Variants in PPP2R3A observed in about 807,000 individuals in gnomAD.
PPP2R3A encodes the protein protein phosphatase 2 regulatory subunit B''alpha.
PPP2R3A carries 80 observed loss-of-function variants against 106.9 expected under a neutral mutation model. That is an observed-to-expected ratio of 0.75 (90% confidence interval 0.62 to 0.90). The LOEUF (loss-of-function observed/expected upper bound fraction) is 0.90, where lower values mean the gene tolerates loss of function less well. Among genes scored for constraint, PPP2R3A ranks in the 40% least tolerant of loss-of-function variants. The pLI is 0.00. For synonymous variants in PPP2R3A, 483 were observed against 468.3 expected, an observed-to-expected ratio of 1.03 and a Z score of -0.41; for missense variants, 1,386 against 1,350.4, an observed-to-expected ratio of 1.03 and a Z score of -0.41.
intron 2 of PPP2R3A, chr3:136,023,136 A>G (rs1444948236): frequency 6.8e-6 from 11 of 1,613,484 alleles, no homozygotes; most frequent in South Asian, 2.2e-5. Flanking sequence ...TTTCCTGGCA[A>G]GGGGCTGTGA....
rs373221319 is a variant in PPP2R3A at position 136,093,020 on chromosome 3, T to G, written c.2927+2353T>G. Among the ~76,000 whole-genome samples the G allele has an allele frequency of 1.1e-4, 16 of 152,034 alleles. No individual in the cohort carries two copies. The East Asian group carries it at 2.9e-3, about 28-fold the overall frequency. On this transcript the variant is annotated intron_variant, in intron 10 of 13. Coordinates refer to ENST00000264977, the MANE Select transcript of PPP2R3A (RefSeq NM_002718.5). ...AAAAATTCAGAAGAAAATAGAGGAG[T>G]AAATTTTCACGACCTTGGCTAGGCA... is the stretch of plus-strand genomic sequence containing the variant.
chr3:135,984,576 C>T (rs139795245), intron 1 of PPP2R3A, among the ~76,000 whole-genome samples: 17 of 152,154 alleles, frequency 1.1e-4, no homozygotes, highest in Admixed American at 1.1e-3. Flanking sequence ...GCCGTTCTCG[C>T]GATAGTATGT....
chr3:136,042,268 C>T (rs1935313770), intron 4 of PPP2R3A, among the ~76,000 whole-genome samples: 1 of 152,068 alleles, frequency 6.6e-6, no homozygotes, highest in Non-Finnish European at 1.5e-5. Flanking sequence ...GGAGGGTATT[C>T]TCATAAGTGA....
At chr3:135,977,413 TAC>T (rs552984097) in intron 1 of PPP2R3A, among the ~76,000 whole-genome samples, 216 of 152,344 alleles carry the variant, frequency 1.4e-3, no homozygotes, top group African/African-American at 4.8e-3. Context: ...GATGCAAACA[TAC>T]AGTCGTTAGA....
chr3:136,079,403 A>C, intron 7 of PPP2R3A: 1 of 182,412 alleles, frequency 5.5e-6, no homozygotes, highest in Non-Finnish European at 1.2e-5. Flanking sequence ...TTTATAATCC[A>C]TAATTTTTTT....
Position 136,106,257 on chromosome 3 carries a change from G to A in PPP2R3A, c.3264G>A (p.Arg1088=). The A allele has an allele frequency of 6.2e-7, 1 of 1,611,776 alleles. No individual in the cohort carries two copies. Among genetic ancestry groups the A allele is most frequent in the South Asian group, 1.1e-5 (1 of 90,206 alleles). ...NDGPEPSDWD[R]FAAEEYETLV... ...GGCCTGAGCCCTCAGACTGGGACCG[G>A]TTTGCCGCTGAGGAGTATGAGACGC... is the stretch of plus-strand genomic sequence containing the variant. The change falls in exon 13 of 14, where the codon CGG becomes CGA. Residue 1088 remains arginine (R), a synonymous_variant. Transcript: ENST00000264977.
chr3:136,142,045 A>G (rs1289509620), intron 13 of PPP2R3A, among the ~76,000 whole-genome samples: 1 of 152,200 alleles, frequency 6.6e-6, no homozygotes, highest in African/African-American at 2.4e-5. Flanking sequence ...AGCTGGATAT[A>G]TGGAGTTCTC....
intron 4 of PPP2R3A, 73 bp downstream of exon 4, chr3:136,041,035 C>T: frequency 8.0e-7 from 1 of 1,255,780 alleles, no homozygotes; most frequent in South Asian, 1.4e-5. Flanking sequence ...TTCTAAAGGT[C>T]ACCTATTTTA....
chr3:136,135,295 G>A (rs1404232151), intron 13 of PPP2R3A, among the ~76,000 whole-genome samples: 1 of 152,108 alleles, frequency 6.6e-6, no homozygotes, highest in Admixed American at 6.6e-5. Flanking sequence ...GAGGTCCCAA[G>A]GGGCAAGGAG....
rs747490374 is a variant in PPP2R3A, at chr3:136,026,871, C to A, written c.2035C>A (p.Pro679Thr). ...KPEKKPGTPL[P>T]PPATSPSSPR... ...AGAAAAGAAACCTGGAACACCACTC[C>A]CACCTCCAGCCACCTCTCCAAGTAG... Residue 679 changes from proline (P) to threonine (T), a missense_variant, in exon 3 of 14, where the codon CCA becomes ACA. By Grantham distance (38) the Pro-to-Thr change is conservative. Coordinates refer to ENST00000264977, the MANE Select transcript of PPP2R3A (RefSeq NM_002718.5). 2.5e-6 allele frequency: 4 copies of A among 1,612,494 alleles called. 1 individual carries two copies. The South Asian group carries it at 3.3e-5, about 13-fold the overall frequency.
chr3:136,030,679 C>T (rs139938331), intron 3 of PPP2R3A, among the ~76,000 whole-genome samples: 22 of 151,760 alleles, frequency 1.4e-4, no homozygotes, highest in African/African-American at 4.4e-4. Flanking sequence ...AGTTACTTCA[C>T]ATGGAATAGT....
At chr3:136,005,324 C>T (rs1003887645) in intron 2 of PPP2R3A, among the ~76,000 whole-genome samples, 2 of 152,150 alleles carry the variant, frequency 1.3e-5, no homozygotes, top group Non-Finnish European at 2.9e-5. Flanking sequence ...AAATCTAAAA[C>T]ACTTCTAGTC....
At chr3:136,135,895 G>A (rs771401290) in intron 13 of PPP2R3A, among the ~76,000 whole-genome samples, 7 of 151,442 alleles carry the variant, frequency 4.6e-5, no homozygotes, top group African/African-American at 7.3e-5. Flanking sequence ...AAAGTTAGCT[G>A]GGCGTGGTGA....
chr3:135,966,544 C>T (rs867115148), intron 1 of PPP2R3A, among the ~76,000 whole-genome samples: 4 of 152,292 alleles, frequency 2.6e-5, no homozygotes, highest in Non-Finnish European at 4.4e-5. Flanking sequence ...GGGGACCTCT[C>T]GATGGAAACC....
chr3:136,023,723 C>T (rs1398500656), intron 2 of PPP2R3A, among the ~76,000 whole-genome samples: 1 of 151,866 alleles, frequency 6.6e-6, no homozygotes, highest in Non-Finnish European at 1.5e-5. Flanking sequence ...ATGTGTGTGT[C>T]GTAATGTATG....
rs527956956 is a variant in PPP2R3A at position 136,022,358 on chromosome 3, T to G, written c.1996-4474T>G. Among the ~76,000 whole-genome samples the G allele has an allele frequency of 3.5e-3, 540 of 152,248 alleles. 4 individuals carry two copies. The highest frequency in any genetic ancestry group is 0.012 in the African/African-American group (503 of 41,560). ...TATGATAGTCTTTTGCTTTAAAAAA[T>G]TTTACATCTGAGATCAACAGATCTT... On this transcript the variant is annotated intron_variant, in intron 2 of 13. Coordinates refer to ENST00000264977, the MANE Select transcript of PPP2R3A (RefSeq NM_002718.5).
At chr3:136,073,620 A>C (rs1463494028) in intron 6 of PPP2R3A, among the ~76,000 whole-genome samples, 2 of 152,226 alleles carry the variant, frequency 1.3e-5, no homozygotes, top group African/African-American at 2.4e-5. Flanking sequence ...AGTAAACAAG[A>C]CCTAATTGGG....
At chr3:136,055,675 A>T (rs1935836925) in intron 5 of PPP2R3A, 1 of 1,072,654 alleles carries the variant, frequency 9.3e-7, no homozygotes, top group Admixed American at 2.0e-5. Context: ...TAAGGAGCTT[A>T]CTAACTGTGG....
intron 13 of PPP2R3A, among the ~76,000 whole-genome samples, chr3:136,109,135 G>A (rs913019975): frequency 9.2e-5 from 14 of 152,182 alleles, no homozygotes; most frequent in Non-Finnish European, 1.9e-4. Context: ...TAGTGTAACT[G>A]AAGATGTAAA....
Sources: gnomAD v4.1 joint callset for allele counts (sites outside exome capture counted in the v4.1 genomes callset) on GRCh38, gnomAD v4.1.1 for gene constraint, MANE v1.5 for transcripts, NCBI Gene and HGNC (gene_info 2026-07-23, HGNC 2026-07-21) for gene names.